Variants in CELF2 observed in about 807,000 individuals in gnomAD.
The protein encoded by CELF2 is CUG triplet repeat RNA-binding protein 2.
CELF2 carries 8 observed loss-of-function variants against 62.6 expected under a neutral mutation model. The ratio of observed to expected loss-of-function variants is 0.13; its 90% confidence interval spans 0.07 to 0.23. The LOEUF (loss-of-function observed/expected upper bound fraction) is 0.23. Among genes scored for constraint, CELF2 ranks in the 10% least tolerant of loss-of-function variants. The pLI is 1.00. For synonymous variants in CELF2, 258 were observed against 250.0 expected, an observed-to-expected ratio of 1.03 and a Z score of -0.30; for missense variants, 333 against 671.0, an observed-to-expected ratio of 0.50 and a Z score of 5.56.
the CELF2 span, among the ~76,000 whole-genome samples, chr10:10,685,562 T>C: frequency 6.6e-6 from 1 of 152,252 alleles, no homozygotes; most frequent in Non-Finnish European, 1.5e-5. Flanking sequence ...GCAAAGTCCA[T>C]ACACAACTAA....
In CELF2 at chr10:11,215,487, T is replaced by C. The variant is rs1028381168; in HGVS notation, c.272-1938T>C. Among the ~76,000 whole-genome samples the C allele has an allele frequency of 5.3e-5, 8 of 152,240 alleles. 1 individual carries two copies. Among genetic ancestry groups the C allele is most frequent in the Admixed American group, 5.2e-4 (8 of 15,288 alleles). ...TTTTTCATCTCCTGAACTTACTCTT[T>C]CGTAATTTCCTTTATTTCAGCCAGT... is the stretch of plus-strand genomic sequence containing the variant. On this transcript the variant is annotated intron_variant, in intron 2 of 12. Transcript: ENST00000633077.
intron 1 of CELF2, among the ~76,000 whole-genome samples, chr10:10,894,547 G>A (rs1238009137): frequency 6.6e-6 from 1 of 152,156 alleles, no homozygotes; most frequent in African/African-American, 2.4e-5. Flanking sequence ...AGACGTCCCA[G>A]GCCCTGGTTT....
At chr10:11,041,886 A>G (rs985267440) in intron 1 of CELF2, among the ~76,000 whole-genome samples, 3 of 152,174 alleles carry the variant, frequency 2.0e-5, no homozygotes, top group Admixed American at 6.5e-5. Context: ...TGGGATTTTC[A>G]TATATTTGGT....
At position 11,321,796 on chromosome 10, in the gene CELF2, G is replaced by C. The variant is rs1282489473; in HGVS notation, c.1294+410G>C. Among the ~76,000 whole-genome samples the C allele has an allele frequency of 6.6e-6, 1 of 152,040 alleles. No individual in the cohort carries two copies. Among genetic ancestry groups the C allele is most frequent in the Non-Finnish European group, 1.5e-5 (1 of 68,022 alleles). On this transcript the variant is annotated intron_variant, in intron 11 of 12. Coordinates refer to ENST00000633077, the MANE Select transcript of CELF2 (RefSeq NM_001326342.2). This position sits in a 1 kb window ranked among gnomAD's most constrained non-coding sequence, Gnocchi z 6.2. ...ATCGATCTCTTCAGATGAAGTTCTT[G>C]TCCATTGTATATTTATATACCACTC...
At chr10:10,969,970 A>G (rs1311581821) in intron 2 of CELF2, among the ~76,000 whole-genome samples, 1 of 152,220 alleles carries the variant, frequency 6.6e-6, no homozygotes. Flanking sequence ...GAAGACAAGG[A>G]TGCTTCACCA....
intron 2 of CELF2, among the ~76,000 whole-genome samples, chr10:11,186,723 T>C (rs1389441166): frequency 6.6e-6 from 1 of 152,144 alleles, no homozygotes; most frequent in Non-Finnish European, 1.5e-5. Flanking sequence ...CATTGGAGCA[T>C]TTTGGATCAG....
At chr10:10,648,394 C>G in the CELF2 span, among the ~76,000 whole-genome samples, 49 of 152,210 alleles carry the variant, frequency 3.2e-4, no homozygotes, top group African/African-American at 1.1e-3. Context: ...TTTGATACAT[C>G]CCAGTCCATA....
At chr10:11,287,306 T>C (rs1174443818) in intron 8 of CELF2, among the ~76,000 whole-genome samples, 1 of 152,060 alleles carries the variant, frequency 6.6e-6, no homozygotes, top group African/African-American at 2.4e-5. Context: ...ACATGTGCAG[T>C]CTTCTGGTAA....
chr10:10,804,876 G>A (rs1407718270), intron 1 of CELF2, among the ~76,000 whole-genome samples: 3 of 152,180 alleles, frequency 2.0e-5, no homozygotes, highest in African/African-American at 7.2e-5. Flanking sequence ...ACAGAGGAGA[G>A]CACGCTGTGT....
At chr10:10,876,523 A>G (rs1375624121) in intron 1 of CELF2, among the ~76,000 whole-genome samples, 1 of 152,142 alleles carries the variant, frequency 6.6e-6, no homozygotes, top group Non-Finnish European at 1.5e-5. Flanking sequence ...CACTTGGACA[A>G]GCGTGTCTTC....
chr10:11,197,363 G>A (rs910290172), intron 2 of CELF2, among the ~76,000 whole-genome samples: 3 of 152,194 alleles, frequency 2.0e-5, no homozygotes, highest in African/African-American at 7.2e-5. Flanking sequence ...GGTAAAAAAG[G>A]TTTTGTGGCT....
rs111809755 is a variant in CELF2 at position 11,090,188 on chromosome 10, GA to G, written c.74+72040del. Among the ~76,000 whole-genome samples, 955 of 136,146 alleles carry G rather than the reference GA, an allele frequency of 7.0e-3. 3 individuals are homozygous for G. The highest frequency in any genetic ancestry group is 0.023 in the Middle Eastern group (6 of 256). The allele number at this position is 136,146 out of a possible 152,430, so 89.3% of individuals were successfully genotyped here. On this transcript the variant is annotated intron_variant, in intron 1 of 12. Transcript: ENST00000633077. ...CCCTGAATCTAAAATGAAATTTGGG[GA>G]AAAAAAAAAAAAAAGTAGGCCTAGG...
chr10:10,517,400 A>G, the CELF2 span, among the ~76,000 whole-genome samples: 337 of 152,266 alleles, frequency 2.2e-3, no homozygotes, highest in Non-Finnish European at 3.7e-3. Context: ...CAAGGGAGGA[A>G]AGGAAAACAC....
upstream of CELF2, among the ~76,000 whole-genome samples, chr10:11,013,386 G>T (rs1180511424): frequency 6.6e-6 from 1 of 152,330 alleles, no homozygotes; most frequent in Non-Finnish European, 1.5e-5. This position sits in a 1 kb window ranked among gnomAD's most constrained non-coding sequence, Gnocchi z 4.1. Context: ...GGGTGTGAGA[G>T]ATCCACAGTG....
chr10:10,594,835 G>C, the CELF2 span, among the ~76,000 whole-genome samples: 2 of 151,648 alleles, frequency 1.3e-5, no homozygotes, highest in South Asian at 2.1e-4. Context: ...GATTCCAAAG[G>C]GTGGGCTGGT....
the CELF2 span, among the ~76,000 whole-genome samples, chr10:10,703,594 T>C: frequency 6.6e-6 from 1 of 152,192 alleles, no homozygotes; most frequent in Non-Finnish European, 1.5e-5. Context: ...TGTCTAGAGA[T>C]GCGGAATGAT....
At chr10:10,690,994 A>C in the CELF2 span, among the ~76,000 whole-genome samples, 1 of 145,654 alleles carries the variant, frequency 6.9e-6, no homozygotes, top group African/African-American at 2.5e-5. Flanking sequence ...CCATATTCCT[A>C]GGATTATGGT....
At chr10:10,851,471 TTAAAACTA>T (rs1490545481) in intron 1 of CELF2, among the ~76,000 whole-genome samples, 6 of 152,138 alleles carry the variant, frequency 3.9e-5, no homozygotes, top group Non-Finnish European at 5.9e-5. Context: ...AATATAAAAC[TTAAAACTA>T]TAAAACTTCT....
intron 4 of CELF2, among the ~76,000 whole-genome samples, chr10:11,254,549 A>G (rs2078118300): frequency 6.6e-6 from 1 of 152,144 alleles, no homozygotes. Flanking sequence ...CATTTTCTTC[A>G]TGTTCGTCTT....
Sources: gnomAD v4.1 joint callset for allele counts (sites outside exome capture counted in the v4.1 genomes callset) on GRCh38, gnomAD v4.1.1 for gene constraint, Gnocchi (gnomAD v3.1) non-coding constraint, MANE v1.5 for transcripts, NCBI Gene and HGNC (gene_info 2026-07-23, HGNC 2026-07-21) for gene names.